The following TTC12 variants were observed in gnomAD, a reference collection of about 807,000 sequenced individuals.
The protein encoded by TTC12 is tetratricopeptide repeat domain 12, also known as tetratricopeptide repeat protein 12.
Under a neutral mutation model 90.1 loss-of-function variants are expected in TTC12, and 70 were observed. The observed-to-expected ratio is 0.78, with a 90% CI of 0.64 to 0.95. The LOEUF is 0.95. TTC12 is among the 40% of genes least tolerant of loss of function. The pLI is 0.00. For missense variants in TTC12, 819 were observed against 846.1 expected, an observed-to-expected ratio of 0.97 and a Z score of 0.40; for synonymous variants, 296 against 311.5, an observed-to-expected ratio of 0.95 and a Z score of 0.53.
chr11:113,365,569 G>C lies in TTC12; in HGVS notation c.2042+509G>C, dbSNP rs1950163356. 5 of 185,458 alleles carry C rather than the reference G, an allele frequency of 2.7e-5. No individual in the cohort carries two copies. In the South Asian group the frequency reaches 5.9e-4, roughly 22 times the overall value. The allele number at this position is 185,458 out of a possible 1,614,324, so 11.5% of individuals were successfully genotyped here. On this transcript the variant is annotated intron_variant, in intron 21 of 21. Coordinates refer to ENST00000529221, the MANE Select transcript of TTC12 (RefSeq NM_017868.4). ...GAGAGACGCAGAACAGCATGCCGAGGTCCCCAGTGAGCGAGGGCAAGAGAT... is the reference window on the plus strand; with the variant it reads ...GAGAGACGCAGAACAGCATGCCGAGCTCCCCAGTGAGCGAGGGCAAGAGAT...
At chr11:113,356,398 C>T (rs1318957470) in intron 16 of TTC12, among the ~76,000 whole-genome samples, 1 of 152,162 alleles carries the variant, frequency 6.6e-6, no homozygotes. Context: ...TCCAGCTTGC[C>T]ACTCTGTGTC....
intron 7 of TTC12, among the ~76,000 whole-genome samples, chr11:113,333,963 T>C (rs1555143282): frequency 6.6e-6 from 1 of 152,162 alleles, no homozygotes; most frequent in Non-Finnish European, 1.5e-5. Context: ...CCACACCAAG[T>C]GTTTTACATA....
intron 21 of TTC12, 129 bp from the exon 22 acceptor site, chr11:113,366,095 TC>T (rs2138091647): frequency 1.0e-6 from 1 of 969,260 alleles, no homozygotes; most frequent in South Asian, 1.5e-5. Flanking sequence ...CACAGCCACT[TC>T]CTGTTTCCAC....
At chr11:113,359,166 AC>A (rs3832765) in intron 16 of TTC12, among the ~76,000 whole-genome samples, 196 bp from the exon 17 acceptor site, 1 of 151,986 alleles carries the variant, frequency 6.6e-6, no homozygotes, top group East Asian at 1.9e-4. Context: ...TGGCAGAGGC[AC>A]CAGAGACTCC....
At chr11:113,316,050 G>C (rs868920815) in intron 1 of TTC12, 193 bp from the exon 2 acceptor site, 3 of 381,960 alleles carry the variant, frequency 7.9e-6, no homozygotes, top group Non-Finnish European at 1.4e-5. Flanking sequence ...AAGCATTGCC[G>C]CACGTAAATG....
chr11:113,327,001 AT>A (rs2137940866), intron 6 of TTC12, among the ~76,000 whole-genome samples: 1 of 152,330 alleles, frequency 6.6e-6, no homozygotes, highest in South Asian at 2.1e-4. Context: ...CTTCTTATTT[AT>A]TACCAAATTT....
At chr11:113,344,110 C>G (rs112547731) in intron 12 of TTC12, among the ~76,000 whole-genome samples, 162 bp from the exon 13 acceptor site, 1 of 152,178 alleles carries the variant, frequency 6.6e-6, no homozygotes, top group Non-Finnish European at 1.5e-5. Context: ...CCTGGGCATT[C>G]GGACCCAGCA....
At chr11:113,334,156 A>G (rs182552984) in intron 7 of TTC12, among the ~76,000 whole-genome samples, 190 of 152,332 alleles carry the variant, frequency 1.2e-3, no homozygotes, top group Non-Finnish European at 2.2e-3. Context: ...ACCTCTTCAT[A>G]TCTAAACCTT....
chr11:113,364,839 G>T lies in TTC12; in HGVS notation c.1821G>T (p.Leu607Phe). The stretch of plus-strand genomic sequence containing the variant: ...TGTTCTCTTCTTTCCCTGCAGAGTT[G>T]AGCGTTATGATGAAGCTGCTCAGCT... ...REEVIRLDKK[L>F]SVMMKLLSSE... The change falls in exon 21 of 22, where the codon TTG becomes TTT. Residue 607 changes from leucine (L) to phenylalanine (F), a missense_variant. By Grantham distance (22) the Leu-to-Phe change is conservative. Coordinates refer to ENST00000529221, the MANE Select transcript of TTC12 (RefSeq NM_017868.4). The T allele has an allele frequency of 6.2e-7, 1 of 1,614,000 alleles. No individual in the cohort carries two copies. The highest frequency in any genetic ancestry group is 8.5e-7 in the Non-Finnish European group (1 of 1,179,922).
intron 16 of TTC12, among the ~76,000 whole-genome samples, chr11:113,352,942 G>T (rs782221576): frequency 1.3e-5 from 2 of 152,140 alleles, no homozygotes; most frequent in Non-Finnish European, 2.9e-5. Flanking sequence ...ATAATAAAAA[G>T]ATTTCTATTC....
downstream of TTC12, among the ~76,000 whole-genome samples, chr11:113,369,942 G>A (rs1255323458): frequency 6.6e-6 from 1 of 152,176 alleles, no homozygotes; most frequent in East Asian, 1.9e-4. Context: ...GCATGTATTT[G>A]GCTCTGTTTA....
chr11:113,328,749 A>C (rs1591535956), intron 6 of TTC12, among the ~76,000 whole-genome samples: 1 of 152,222 alleles, frequency 6.6e-6, no homozygotes, highest in African/African-American at 2.4e-5. Context: ...ATCATCCCCC[A>C]AAAAAGCTCC....
Position 113,340,730 on chromosome 11 carries a change from G to A in TTC12, c.893G>A (p.Arg298Lys). 6.2e-7 allele frequency: 1 copy of A among 1,613,272 alleles called. No homozygotes were observed. The highest frequency in any genetic ancestry group is 1.3e-5 in the African/African-American group (1 of 75,028). Reference protein sequence around the residue: ...FSIISDNEVIRRCFSTAGNDA... With the variant: ...FSIISDNEVIKRCFSTAGNDA... ...ATCATCAGTGACAACGAGGTCATAA[G>A]AAGGTAGGGATGTTCATAGAGACAG... Residue 298 changes from arginine to lysine, a missense_variant, in exon 11 of 22, where the codon AGA becomes AAA. Physicochemically the swap from Arg to Lys is conservative, Grantham distance 26 (BLOSUM62 2). Transcript: ENST00000529221.
At chr11:113,324,738 C>T in intron 5 of TTC12, 56 bp downstream of exon 5, 1 of 1,484,928 alleles carries the variant, frequency 6.7e-7, no homozygotes, top group Non-Finnish European at 9.4e-7. Context: ...AGAAAGAGCA[C>T]ACGAAGGCCT....
In TTC12 at chr11:113,329,979, G is replaced by C. The variant is rs1332706292; in HGVS notation, c.504G>C (p.Lys168Asn). Reference protein sequence around the residue: ...KALVDCEWALKCDEKCTKAYF... With the variant: ...KALVDCEWALNCDEKCTKAYF... ...TGGTGGATTGTGAGTGGGCTCTCAA[G>C]GTAAGAGGGTATTTCTTTTCCCACA... is the stretch of plus-strand genomic sequence containing the variant. Residue 168 changes from lysine (K) to asparagine (N), a missense_variant and splice_region_variant, in exon 7 of 22, where the codon AAG (lysine) becomes AAC (asparagine). Physicochemically the swap from Lys to Asn is moderately conservative, Grantham distance 94. Coordinates refer to ENST00000529221, the MANE Select transcript of TTC12 (RefSeq NM_017868.4). The C allele has an allele frequency of 6.2e-7, 1 of 1,611,690 alleles. No individual in the cohort carries two copies. Among genetic ancestry groups the C allele is most frequent in the Non-Finnish European group, 8.5e-7 (1 of 1,177,866 alleles).
At chr11:113,316,907 C>T (rs1946976136) in intron 2 of TTC12, among the ~76,000 whole-genome samples, 1 of 152,218 alleles carries the variant, frequency 6.6e-6, no homozygotes, top group Non-Finnish European at 1.5e-5. Flanking sequence ...GTTCAGGGAG[C>T]TTGCTTGAGT....
In TTC12 at chr11:113,333,257, G is replaced by A. The variant is rs1057489380; in HGVS notation, c.505-1709G>A. Among the ~76,000 whole-genome samples, 27 of 151,916 alleles carry A rather than the reference G, an allele frequency of 1.8e-4. 1 individual carries two copies. Among genetic ancestry groups the A allele is most frequent in the African/African-American group, 6.5e-4 (27 of 41,350 alleles). On this transcript the variant is annotated intron_variant, in intron 7 of 21. Coordinates refer to ENST00000529221, the MANE Select transcript of TTC12 (RefSeq NM_017868.4). ...CCTGCCCCTCGATCCCAGCTGGACC[G>A]TCCCCGGAGCCCCCTATACTCTCCT...
chr11:113,371,319 C>T (rs543027718), downstream of TTC12: 41 of 152,294 alleles, frequency 2.7e-4, no homozygotes, highest in African/African-American at 8.9e-4. Context: ...TAATACCTAA[C>T]ACAATGTAAA....
rs112547731 is a variant in TTC12, at chr11:113,344,110, C to T, written c.986-162C>T. On this transcript the variant is annotated intron_variant, in intron 12 of 21. Coordinates refer to ENST00000529221, the MANE Select transcript of TTC12 (RefSeq NM_017868.4). The stretch of plus-strand genomic sequence containing the variant: ...TGGTAAGGTCGCTCCCCTGGGCATT[C>T]GGACCCAGCAGTCTGGTTCTAGAAT... 2.4e-3 allele frequency among the ~76,000 whole-genome samples: 361 copies of T among 152,294 alleles called. 1 individual carries two copies. Among genetic ancestry groups the T allele is most frequent in the African/African-American group, 7.5e-3 (313 of 41,562 alleles).
Sources: gnomAD v4.1 joint callset for allele counts (sites outside exome capture counted in the v4.1 genomes callset) on GRCh38, gnomAD v4.1.1 for gene constraint, MANE v1.5 for transcripts, NCBI Gene and HGNC (gene_info 2026-07-23, HGNC 2026-07-21) for gene names.